NAP1L1: variants seen among roughly 807,000 people sequenced by gnomAD.
NAP1L1 encodes nucleosome assembly protein 1-like 1.
A neutral mutation model predicts 58.9 loss-of-function variants in NAP1L1; 9 were observed. The observed-to-expected ratio is 0.15, with a 90% CI of 0.09 to 0.27. NAP1L1 has a LOEUF of 0.27. NAP1L1 is among the 10% of genes least tolerant of loss of function. The pLI, the probability that NAP1L1 is intolerant of heterozygous loss-of-function variation, is 1.00. For synonymous variants in NAP1L1, 130 were observed against 138.3 expected (o/e 0.94, Z 0.42); for missense variants, 302 against 458.8 (o/e 0.66, Z 3.12).
In NAP1L1 at chr12:76,048,271, G is replaced by C; in HGVS notation, c.*158C>G. On this transcript the variant is annotated 3_prime_UTR_variant, in exon 15 of 15. Transcript: ENST00000618691. The stretch of plus-strand genomic sequence containing the variant: ...GCAGAAAAACTAGTTAAAATGCTAG[G>C]TAGAACAAATTGGTCTTTAAAATAT... 1 of 702,364 alleles carries C rather than the reference G, an allele frequency of 1.4e-6. No individual in the cohort carries two copies. The highest frequency in any genetic ancestry group is 2.3e-6 in the Non-Finnish European group (1 of 428,670). 43.5% of individuals were successfully genotyped at this position (702,364 alleles called of 1,614,324 possible).
chr12:76,064,503 T>C (rs749393802), intron 4 of NAP1L1, among the ~76,000 whole-genome samples: 33 of 151,860 alleles, frequency 2.2e-4, no homozygotes, highest in Non-Finnish European at 4.4e-4. Context: ...GAATTAAGCA[T>C]TCAATTTAAA....
At chr12:76,048,565 G>A in intron 14 of NAP1L1, 101 bp from the exon 15 acceptor site, 1 of 1,207,806 alleles carries the variant, frequency 8.3e-7, no homozygotes, top group South Asian at 1.2e-5. Context: ...GCTCACTGTT[G>A]TCAAAAGAAA....
chr12:76,073,604 A>T (rs1374933769), intron 2 of NAP1L1, among the ~76,000 whole-genome samples: 4 of 152,188 alleles, frequency 2.6e-5, no homozygotes, highest in Admixed American at 6.6e-5. Context: ...GCAAAGTGGC[A>T]ATGTTGCTTT....
At chr12:76,060,387 T>A in intron 4 of NAP1L1, 108 bp from the exon 5 acceptor site, 1 of 1,094,992 alleles carries the variant, frequency 9.1e-7, no homozygotes, top group Admixed American at 2.3e-5. Flanking sequence ...AGGTTTTTTA[T>A]CTGAAGCAAA....
intron 1 of NAP1L1, among the ~76,000 whole-genome samples, chr12:76,079,834 T>A (rs1950332841): frequency 6.6e-6 from 1 of 152,074 alleles, no homozygotes; most frequent in Non-Finnish European, 1.5e-5. Flanking sequence ...CAGGTATGCA[T>A]TCTCCACCAC....
intron 4 of NAP1L1, among the ~76,000 whole-genome samples, chr12:76,063,782 G>A (rs1013532267): frequency 5.3e-5 from 8 of 150,778 alleles, no homozygotes; most frequent in Non-Finnish European, 8.8e-5. Context: ...ATGACAAAGC[G>A]AGACACTGTA....
chr12:76,068,048 C>T (rs1044265631), intron 3 of NAP1L1, among the ~76,000 whole-genome samples: 17 of 152,124 alleles, frequency 1.1e-4, no homozygotes, highest in Non-Finnish European at 2.2e-4. Context: ...ATACTCAATC[C>T]AAATATGCAC....
intron 1 of NAP1L1, among the ~76,000 whole-genome samples, chr12:76,075,719 C>A (rs1422087304): frequency 1.3e-5 from 2 of 152,102 alleles, no homozygotes; most frequent in East Asian, 1.9e-4. Flanking sequence ...TCAAAGAAAT[C>A]CAAGTAGGAT....
chr12:76,056,777 T>G (rs1949117838), intron 6 of NAP1L1: 1 of 369,344 alleles, frequency 2.7e-6, no homozygotes, highest in South Asian at 2.1e-5. Flanking sequence ...CTTTGGGAAG[T>G]GAGGTGGGTG....
chr12:76,059,820 G>C lies in NAP1L1; in HGVS notation c.407C>G (p.Pro136Arg). The part of the protein sequence containing the change: ...EPTEEECEWK[P>R]DEEDEISEEL... ...AACCGAAATCTCATCTTCTTCATCT[G>C]GTTTCCATTCACATTCTTCTTCCGT... The change falls in exon 6 of 15, where the codon CCA becomes CGA. Residue 136 changes from proline to arginine, a missense_variant. Pro to Arg is a moderately radical substitution (Grantham distance 103). Coordinates refer to ENST00000618691, the MANE Select transcript of NAP1L1 (RefSeq NM_004537.7). 6.2e-7 allele frequency: 1 copy of C among 1,603,458 alleles called. No homozygotes were observed. Among genetic ancestry groups the C allele is most frequent in the Non-Finnish European group, 8.5e-7 (1 of 1,176,010 alleles).
intron 1 of NAP1L1, among the ~76,000 whole-genome samples, chr12:76,077,255 C>T (rs903883309): frequency 6.6e-6 from 1 of 152,184 alleles, no homozygotes; most frequent in Non-Finnish European, 1.5e-5. Context: ...GGCATTTACT[C>T]CTCCAGAGAA....
chr12:76,074,098 T>C (rs1950085096), intron 2 of NAP1L1, 105 bp downstream of exon 2: 1 of 997,092 alleles, frequency 1.0e-6, no homozygotes. Flanking sequence ...TACTAAGCAT[T>C]AGTAACTACA....
Position 76,049,803 on chromosome 12 carries a change from CGTTAAGT to C in NAP1L1, c.1060-25_1060-19del. 1 of 1,612,270 alleles carries C rather than the reference CGTTAAGT, an allele frequency of 6.2e-7. No homozygotes were observed. Among genetic ancestry groups the C allele is most frequent in the Non-Finnish European group, 8.5e-7 (1 of 1,179,190 alleles). On this transcript the variant is annotated intron_variant, in intron 12 of 14. Transcript: ENST00000618691. The stretch of plus-strand genomic sequence containing the variant: ...TCATCATACTGAAAAGGAAAAACAG[CGTTAAGT>C]GTTGAGTGAATGTAACACACATTTC...
intron 11 of NAP1L1, among the ~76,000 whole-genome samples, chr12:76,051,907 G>A (rs1284762876): frequency 1.3e-5 from 2 of 152,062 alleles, no homozygotes; most frequent in East Asian, 1.9e-4. Flanking sequence ...CCAGCTACTC[G>A]GGAGGCTGAG....
intron 2 of NAP1L1, among the ~76,000 whole-genome samples, chr12:76,071,062 T>C (rs985010993): frequency 6.6e-6 from 1 of 152,212 alleles, no homozygotes; most frequent in African/African-American, 2.4e-5. Context: ...GTATTTATTA[T>C]TGTGCTGTTA....
chr12:76,079,637 A>G (rs1174834041), intron 1 of NAP1L1, among the ~76,000 whole-genome samples: 3 of 152,150 alleles, frequency 2.0e-5, no homozygotes, highest in African/African-American at 4.8e-5. Flanking sequence ...TATGGTGTGT[A>G]TAAGATCTCA....
intron 2 of NAP1L1, among the ~76,000 whole-genome samples, chr12:76,070,372 T>A (rs1340981683): frequency 1.3e-5 from 2 of 152,150 alleles, no homozygotes; most frequent in Non-Finnish European, 2.9e-5. Flanking sequence ...CCTTCCAAAA[T>A]CCTGGGATTA....
intron 5 of NAP1L1, 51 bp from the exon 6 acceptor site, chr12:76,059,929 T>C: frequency 1.4e-6 from 2 of 1,408,928 alleles, no homozygotes; most frequent in Non-Finnish European, 9.8e-7. Flanking sequence ...GCATCCAAGC[T>C]AAAACCAGTG....
In NAP1L1 at chr12:76,042,883, T is replaced by C. The variant is rs1948562913; in HGVS notation, c.*5546A>G. The C allele has an allele frequency of 1.3e-5, 2 of 152,218 alleles. No individual in the cohort carries two copies. The highest frequency in any genetic ancestry group is 1.3e-4 in the Admixed American group (2 of 15,284). The allele number at this position is 152,218 out of a possible 1,614,324, so 9.4% of individuals were successfully genotyped here. A position where few individuals can be genotyped will look rare whatever the true frequency, so the allele number is the denominator to read the frequency against. Reference sequence around the variant, plus strand: ...AAAACTTTTTGAGCCAAAAAGTATGTTGATCAGAGTAAAGAATATACCGGA... The same window carrying C: ...AAAACTTTTTGAGCCAAAAAGTATGCTGATCAGAGTAAAGAATATACCGGA... On this transcript the variant is annotated 3_prime_UTR_variant, in exon 15 of 15. Coordinates refer to ENST00000618691, the MANE Select transcript of NAP1L1 (RefSeq NM_004537.7).
Sources: gnomAD v4.1 joint callset for allele counts (sites outside exome capture counted in the v4.1 genomes callset) on GRCh38, gnomAD v4.1.1 for gene constraint, MANE v1.5 for transcripts, NCBI Gene and HGNC (gene_info 2026-07-23, HGNC 2026-07-21) for gene names.